Variants in NLRP12 observed in about 807,000 individuals in gnomAD.
NLRP12 encodes NLR family pyrin domain containing 12, also known as NACHT, LRR and PYD domains-containing protein 12.
Under a neutral mutation model 91.2 loss-of-function variants are expected in NLRP12, and 108 were observed. The observed-to-expected ratio is 1.18, with a 90% confidence interval of 1.01 to 1.39. The LOEUF is 1.39. Among genes scored for constraint, NLRP12 ranks in the 40% most tolerant of loss-of-function variants. The pLI, the probability that NLRP12 is intolerant of heterozygous loss-of-function variation, is 0.00. For synonymous variants in NLRP12, 613 were observed against 566.7 expected (o/e 1.08, Z -1.16); for missense variants, 1,530 against 1,352.7 (o/e 1.13, Z -2.06).
intron 2 of NLRP12, among the ~76,000 whole-genome samples, chr19:53,814,423 G>A (rs952966458): frequency 1.3e-5 from 2 of 152,200 alleles, no homozygotes; most frequent in Non-Finnish European, 2.9e-5. Flanking sequence ...TGCAATCTTG[G>A]CTCACTGCAA....
At chr19:53,814,782 C>T (rs2092131306) in intron 2 of NLRP12, 126 bp downstream of exon 2, 3 of 787,886 alleles carry the variant, frequency 3.8e-6, no homozygotes, top group East Asian at 4.9e-5. Flanking sequence ...AGGAAACTGC[C>T]CCTTTGATGG....
Position 53,810,243 on chromosome 19 carries a change from C to T in NLRP12, c.1416G>A (p.Gln472=), listed in dbSNP as rs756550237. 1 of 1,614,060 alleles carries T rather than the reference C, an allele frequency of 6.2e-7. No homozygotes were observed. The highest frequency in any genetic ancestry group is 8.5e-7 in the Non-Finnish European group (1 of 1,180,056). Residue 472 remains glutamine (Q), a synonymous_variant, in exon 3 of 10, where the codon CAG becomes CAA. Coordinates refer to ENST00000324134, the MANE Select transcript of NLRP12 (RefSeq NM_144687.4). ...GGTCCTGCTCCTCAAATAGGATTTT[C>T]TGATTCCAGAGCCCATCTGCCGCCA... ...CSLAADGLWN[Q]KILFEEQDLR...
chr19:53,813,320 T>TTTTTTTTG (rs1488787996), intron 2 of NLRP12, among the ~76,000 whole-genome samples: 1 of 138,766 alleles, frequency 7.2e-6, no homozygotes, highest in Admixed American at 7.5e-5. Context: ...TTTTTTTTTT[T>TTTTTTTTG]GAGACAGAGT....
At chr19:53,795,598 TCTC>T (rs1678160153) in intron 9 of NLRP12, among the ~76,000 whole-genome samples, 1 of 151,046 alleles carries the variant, frequency 6.6e-6, no homozygotes, top group African/African-American at 2.4e-5. Context: ...ATGGTCTCGA[TCTC>T]CTGACCTCGT....
intron 2 of NLRP12, 127 bp from the exon 3 acceptor site, chr19:53,811,415 G>A: frequency 9.4e-7 from 1 of 1,058,798 alleles, no homozygotes; most frequent in South Asian, 1.3e-5. Context: ...TCAGGAGGCT[G>A]AGATGGGAGA....
chr19:53,814,282 C>A (rs2092123817), intron 2 of NLRP12, among the ~76,000 whole-genome samples: 1 of 152,100 alleles, frequency 6.6e-6, no homozygotes, highest in African/African-American at 2.4e-5. Flanking sequence ...TGGGCAGATT[C>A]CCCAGTACTG....
rs773438934 is a variant in NLRP12 at position 53,814,916 on chromosome 19, G to T, written c.362C>A (p.Pro121Gln). The change falls in exon 2 of 10, where the codon CCA becomes CAA. Residue 121 changes from proline (P) to glutamine (Q), a missense_variant. Coordinates refer to ENST00000324134, the MANE Select transcript of NLRP12 (RefSeq NM_144687.4). ...CATGGCTTGAGGCTCACCTTTTCTT[G>T]GAGTGACAAGAGAGACTTCCAGAAG... The part of the protein sequence containing the change: ...TCLLEVSLVT[P>Q]RKDPQETYRD... The T allele has an allele frequency of 1.7e-5, 28 of 1,613,528 alleles. No homozygotes were observed. The highest frequency in any genetic ancestry group is 2.2e-5 in the Non-Finnish European group (26 of 1,179,652).
rs1316214276 is a variant in NLRP12 at position 53,819,449 on chromosome 19, ATATATATATG to A, written c.289+4427_289+4436del. ...TATATATATATATATATATATATAT[ATATATATATG>A]TGTGTGTGTGTGTGTGTGTGTGTGT... On this transcript the variant is annotated intron_variant, in intron 1 of 9. Coordinates refer to ENST00000324134, the MANE Select transcript of NLRP12 (RefSeq NM_144687.4). 7.8e-4 allele frequency among the ~76,000 whole-genome samples: 11 copies of A among 14,070 alleles called. 2 individuals are homozygous for A. The highest frequency in any genetic ancestry group is 3.6e-3 in the South Asian group (2 of 550). 9.2% of individuals were successfully genotyped at this position (14,070 alleles called of 152,430 possible).
intron 7 of NLRP12, 143 bp from the exon 8 acceptor site, chr19:53,798,556 G>A (rs148577965): frequency 4.0e-5 from 32 of 806,068 alleles, no homozygotes; most frequent in East Asian, 1.1e-4. Context: ...AGAAAAAGAC[G>A]ACAGAAGTAG....
chr19:53,798,631 C>T (rs1196653172), intron 7 of NLRP12, among the ~76,000 whole-genome samples: 1 of 152,180 alleles, frequency 6.6e-6, no homozygotes, highest in African/African-American at 2.4e-5. Flanking sequence ...GCCAGGTGCC[C>T]TGGCTCATGC....
Position 53,819,445 on chromosome 19 carries a change from A to ATG in NLRP12, c.289+4440_289+4441insCA, listed in dbSNP as rs1485262060. ...TATATATATATATATATATATATAT[A>ATG]TATATATATATATGTGTGTGTGTGT... On this transcript the variant is annotated intron_variant, in intron 1 of 9. Coordinates refer to ENST00000324134, the MANE Select transcript of NLRP12 (RefSeq NM_144687.4). 1.7e-3 allele frequency among the ~76,000 whole-genome samples: 33 copies of ATG among 19,570 alleles called. 3 individuals carry two copies. Among genetic ancestry groups the ATG allele is most frequent in the Non-Finnish European group, 3.1e-3 (27 of 8,818 alleles). The allele number at this position is 19,570 out of a possible 152,430, so 12.8% of individuals were successfully genotyped here.
chr19:53,802,371 T>C (rs898827106), intron 6 of NLRP12, among the ~76,000 whole-genome samples: 5 of 151,826 alleles, frequency 3.3e-5, no homozygotes, highest in Non-Finnish European at 5.9e-5. Flanking sequence ...AAAACCACGA[T>C]AAGATAGCAT....
rs892754121 is a variant in NLRP12 at position 53,821,524 on chromosome 19, C to G, written c.289+2362G>C. On this transcript the variant is annotated intron_variant, in intron 1 of 9. Coordinates refer to ENST00000324134, the MANE Select transcript of NLRP12 (RefSeq NM_144687.4). ...TCTATTAAAAATACAAAAAATTAGCCAGGCATGGTGGCGGGCACCTGCAGT... is the reference window on the plus strand; with the variant it reads ...TCTATTAAAAATACAAAAAATTAGCGAGGCATGGTGGCGGGCACCTGCAGT... 1.7e-4 allele frequency among the ~76,000 whole-genome samples: 26 copies of G among 152,102 alleles called. 1 individual carries two copies. The highest frequency in any genetic ancestry group is 4.8e-4 in the African/African-American group (20 of 41,552).
chr19:53,815,567 G>C (rs1185419882), intron 1 of NLRP12, among the ~76,000 whole-genome samples: 1 of 150,210 alleles, frequency 6.7e-6, no homozygotes, highest in Admixed American at 6.7e-5. Context: ...AGTCAGTCTG[G>C]ACTCCTCCCT....
At chr19:53,800,027 G>A (rs1273812316) in intron 7 of NLRP12, among the ~76,000 whole-genome samples, 3 of 152,064 alleles carry the variant, frequency 2.0e-5, no homozygotes, top group East Asian at 1.9e-4. Flanking sequence ...TTGGCCAGGC[G>A]CAGTGGCTCA....
chr19:53,796,863 G>C (rs539219481), intron 8 of NLRP12, among the ~76,000 whole-genome samples: 1 of 148,962 alleles, frequency 6.7e-6, no homozygotes, highest in South Asian at 2.2e-4. Context: ...GGGTGGTGGC[G>C]CATGCCTGTA....
chr19:53,823,469 A>ATTTTAAATATATGT (rs1314014988), intron 1 of NLRP12, among the ~76,000 whole-genome samples: 4 of 106,634 alleles, frequency 3.8e-5, no homozygotes, highest in African/African-American at 7.1e-5. Context: ...TTAAATATAT[A>ATTTTAAATATATGT]TTTAAAATAT....
At chr19:53,807,998 C>T (rs2091990597) in intron 3 of NLRP12, 2 of 365,428 alleles carry the variant, frequency 5.5e-6, no homozygotes, top group Non-Finnish European at 1.1e-5. Context: ...GATCTGCCCG[C>T]CTCAACCTCC....
At chr19:53,797,447 T>G (rs2091786455) in intron 8 of NLRP12, among the ~76,000 whole-genome samples, 1 of 150,204 alleles carries the variant, frequency 6.7e-6, no homozygotes, top group South Asian at 2.1e-4. Flanking sequence ...TGAGACAGAG[T>G]CTTGCTCTAT....
Sources: gnomAD v4.1 joint callset for allele counts (sites outside exome capture counted in the v4.1 genomes callset) on GRCh38, gnomAD v4.1.1 for gene constraint, MANE v1.5 for transcripts, NCBI Gene and HGNC (gene_info 2026-07-23, HGNC 2026-07-21) for gene names.